The following GRIFIN variants were observed in gnomAD, a reference collection of about 807,000 sequenced individuals.
GRIFIN encodes putative grifin.
GRIFIN carries 22 observed loss-of-function variants against 18.2 expected under a neutral mutation model. The observed-to-expected ratio is 1.21, with a 90% CI of 0.86 to 1.73. The LOEUF (loss-of-function observed/expected upper bound fraction) is 1.73, where lower values mean the gene tolerates loss of function less well. Among genes scored for constraint, GRIFIN ranks in the 40% most tolerant of loss-of-function variants. The pLI is 0.00. For synonymous variants in GRIFIN, 101 were observed against 82.8 expected (o/e 1.22, Z -1.19); for missense variants, 200 against 190.1 (o/e 1.05, Z -0.31).
intron 1 of GRIFIN, 102 bp downstream of exon 1, chr7:2,476,270 G>A: frequency 7.3e-7 from 1 of 1,376,774 alleles, no homozygotes; most frequent in Non-Finnish European, 9.9e-7. Flanking sequence ...CTGATGAGAG[G>A]CCAGAGCCCA....
chr7:2,475,910 T>G lies in GRIFIN; in HGVS notation c.92+10A>C, dbSNP rs1243036444. On this transcript the variant is annotated intron_variant, in intron 2 of 4. Coordinates refer to ENST00000614228, the MANE Select transcript of GRIFIN (RefSeq NM_001394787.1). ...CCAAGGCCCAGCGAGGGGAGGGCGGTGCCGCTGACCTGTCCTCTCCAGAGT... is the reference window on the plus strand; with the variant it reads ...CCAAGGCCCAGCGAGGGGAGGGCGGGGCCGCTGACCTGTCCTCTCCAGAGT... The G allele has an allele frequency of 3.1e-6, 5 of 1,597,242 alleles. No homozygotes were observed. In the African/African-American group the frequency reaches 6.7e-5, roughly 21 times the overall value.
At position 2,475,641 on chromosome 7, in the gene GRIFIN, GCCCAGGCCCCA is replaced by G. The variant is rs1562535415; in HGVS notation, c.252+17_252+27del. 14 of 1,459,516 alleles carry G rather than the reference GCCCAGGCCCCA, an allele frequency of 9.6e-6. No individual in the cohort carries two copies. In the East Asian group the frequency reaches 1.3e-4, roughly 13 times the overall value. 90.4% of individuals were successfully genotyped at this position (1,459,516 alleles called of 1,614,324 possible). On this transcript the variant is annotated intron_variant, in intron 3 of 4. Coordinates refer to ENST00000614228, the MANE Select transcript of GRIFIN (RefSeq NM_001394787.1). The stretch of plus-strand genomic sequence containing the variant: ...TTCCCCCACGGGCCTTCCCTGCCTA[GCCCAGGCCCCA>G]CCCAGGCCCCTGTCACCTCAAAGGG...
At position 2,475,542 on chromosome 7, in the gene GRIFIN, A is replaced by AT. The variant is rs1439465393; in HGVS notation, c.252+126_252+127insA. 9 of 936,284 alleles carry AT rather than the reference A, an allele frequency of 9.6e-6. No individual in the cohort carries two copies. The Admixed American group carries it at 2.7e-4, about 28-fold the overall frequency. 58.0% of individuals were successfully genotyped at this position (936,284 alleles called of 1,614,324 possible). A position where few individuals can be genotyped will look rare whatever the true frequency, so the allele number is the denominator to read the frequency against. ...ACACGTAGGGAAACTGAGGCCAGGGAGGCCACCCAGACCTTGCCCTGGCCC... is the reference window on the plus strand; with the variant it reads ...ACACGTAGGGAAACTGAGGCCAGGGATGGCCACCCAGACCTTGCCCTGGCCC... On this transcript the variant is annotated intron_variant, in intron 3 of 4. Coordinates refer to ENST00000614228, the MANE Select transcript of GRIFIN (RefSeq NM_001394787.1).
chr7:2,476,113 C>T, intron 1 of GRIFIN, 114 bp from the exon 2 acceptor site: 2 of 946,090 alleles, frequency 2.1e-6, no homozygotes, highest in Non-Finnish European at 1.6e-6. Context: ...CCAGCCTGCC[C>T]CCAACCCAGT....
At chr7:2,474,920 CCTGCCCATGCA>C in intron 4 of GRIFIN, 35 bp from the exon 5 acceptor site, 1 of 600,276 alleles carries the variant, frequency 1.7e-6, no homozygotes, top group South Asian at 2.1e-5. Context: ...TAGCTCCTGC[CCTGCCCATGCA>C]CAGACCAGGG....
Position 2,476,370 on chromosome 7 carries a change from A to G in GRIFIN, c.12+2T>C, listed in dbSNP as rs762202871. ...CTTCTCCAGGTCCAGGGTCTCACCC[A>G]CCTGCACTGCCATCTGCTCCCAGCC... On this transcript the variant is annotated splice_donor_variant, in intron 1 of 4. Coordinates refer to ENST00000614228, the MANE Select transcript of GRIFIN (RefSeq NM_001394787.1). LOFTEE classifies it high-confidence loss of function. 2.6e-6 allele frequency: 4 copies of G among 1,565,258 alleles called. No homozygotes were observed. The highest frequency in any genetic ancestry group is 3.4e-6 in the Non-Finnish European group (4 of 1,165,278).
In GRIFIN at chr7:2,474,738, G is replaced by C. The variant is rs1778925362; in HGVS notation, c.*132C>G. 1 of 409,510 alleles carries C rather than the reference G, an allele frequency of 2.4e-6. No individual in the cohort carries two copies. Among genetic ancestry groups the C allele is most frequent in the Non-Finnish European group, 4.3e-6 (1 of 232,538 alleles). 25.4% of individuals were successfully genotyped at this position (409,510 alleles called of 1,614,324 possible). ...CAGCCAAACGCCTGCAGCCTTCTCAGAGTTTATTGAAGGTGGAGCTGCGAG... is the reference window on the plus strand; with the variant it reads ...CAGCCAAACGCCTGCAGCCTTCTCACAGTTTATTGAAGGTGGAGCTGCGAG... On this transcript the variant is annotated 3_prime_UTR_variant, in exon 5 of 5. Transcript: ENST00000614228.
In GRIFIN at chr7:2,475,214, T is replaced by TG; in HGVS notation, c.345dup (p.Thr116HisfsTer9). 1 of 1,596,468 alleles carries TG rather than the reference T, an allele frequency of 6.3e-7. No individual in the cohort carries two copies. Among genetic ancestry groups the TG allele is most frequent in the Non-Finnish European group, 8.5e-7 (1 of 1,178,754 alleles). ...TCACTCAGCACGCGCACCCTGGTGG[T>TG]GGCGCCCAGCGGCCTCTGACGGCAT... On this transcript the variant is annotated frameshift_variant, in exon 4 of 5. Transcript: ENST00000614228. LOFTEE classifies it high-confidence loss of function.
intron 1 of GRIFIN, 112 bp downstream of exon 1, chr7:2,476,260 C>G: frequency 7.5e-7 from 1 of 1,328,726 alleles, no homozygotes; most frequent in Non-Finnish European, 1.0e-6. Context: ...GCCCTGAGAT[C>G]TGATGAGAGG....
chr7:2,474,752 TGGAGCTGCGA>T lies in GRIFIN; in HGVS notation c.*108_*117del, dbSNP rs1361024442. Reference sequence around the variant, plus strand: ...CAGCCTTCTCAGAGTTTATTGAAGGTGGAGCTGCGAGGAGCACACAGGACCACAGACCCCC... The same window carrying T: ...CAGCCTTCTCAGAGTTTATTGAAGGTGGAGCACACAGGACCACAGACCCCC... On this transcript the variant is annotated 3_prime_UTR_variant, in exon 5 of 5. Transcript: ENST00000614228. 9.2e-5 allele frequency: 38 copies of T among 414,056 alleles called. No homozygotes were observed. In the Middle Eastern group the frequency reaches 2.5e-3, roughly 27 times the overall value. The allele number at this position is 414,056 out of a possible 1,614,324, so 25.6% of individuals were successfully genotyped here.
rs376604729 is a variant in GRIFIN, at chr7:2,475,305, T to C, written c.255A>G (p.Ile85Met). ...FPLAPGEPFE[I>M]EVSWDAEHFH... is the part of the protein sequence containing the mutation. ...AGTGCTCCGCGTCCCAGCTGACCTCTATCTGGGCAGGCTGGGGCCAGTGAC... is the reference window on the plus strand; with the variant it reads ...AGTGCTCCGCGTCCCAGCTGACCTCCATCTGGGCAGGCTGGGGCCAGTGAC... The change falls in exon 4 of 5, where the codon ATA (isoleucine) becomes ATG (methionine). Residue 85 changes from isoleucine (I) to methionine (M), a missense_variant and splice_region_variant. Coordinates refer to ENST00000614228, the MANE Select transcript of GRIFIN (RefSeq NM_001394787.1). 5.3e-5 allele frequency: 85 copies of C among 1,590,850 alleles called. No homozygotes were observed. In the African/African-American group the frequency reaches 8.8e-4, roughly 17 times the overall value.
intron 1 of GRIFIN, 146 bp downstream of exon 1, chr7:2,476,226 G>A (rs923248700): frequency 7.7e-6 from 8 of 1,042,808 alleles, no homozygotes; most frequent in Admixed American, 6.8e-5. Context: ...GCTCTGGGGG[G>A]ACCTTCACCC....
rs543919879 is a variant in GRIFIN at position 2,475,589 on chromosome 7, G to A, written c.252+80C>T. The A allele has an allele frequency of 2.9e-3, 4,192 of 1,425,514 alleles. 7 individuals carry two copies. Among genetic ancestry groups the A allele is most frequent in the Non-Finnish European group, 3.2e-3 (3,501 of 1,090,784 alleles). The allele number at this position is 1,425,514 out of a possible 1,614,324, so 88.3% of individuals were successfully genotyped here. A position where few individuals can be genotyped will look rare whatever the true frequency, so the allele number is the denominator to read the frequency against. ...GCCCACTGACCTGTAAGCGTCCACC[G>A]TGAACCCGCTGCCCACTGGCCCCCT... is the stretch of plus-strand genomic sequence containing the variant. On this transcript the variant is annotated intron_variant, in intron 3 of 4. Transcript: ENST00000614228.
chr7:2,475,846 C>T lies in GRIFIN; in HGVS notation c.93-18G>A, dbSNP rs749978446. ...TCTCGAACCTGGGGCGGACATGGTG[C>T]GGGTCAAGAGCTGCAAAGAGCTGGG... is the stretch of plus-strand genomic sequence containing the variant. On this transcript the variant is annotated intron_variant, in intron 2 of 4. Coordinates refer to ENST00000614228, the MANE Select transcript of GRIFIN (RefSeq NM_001394787.1). 2.9e-5 allele frequency: 45 copies of T among 1,576,620 alleles called. No homozygotes were observed. The highest frequency in any genetic ancestry group is 4.5e-5 in the East Asian group (2 of 44,294).
rs1277948646 is a variant in GRIFIN at position 2,475,530 on chromosome 7, CTG to C, written c.252+137_252+138del. The C allele has an allele frequency of 3.5e-6, 4 of 1,154,270 alleles. No individual in the cohort carries two copies. The African/African-American group carries it at 8.3e-5, about 24-fold the overall frequency. 71.5% of individuals were successfully genotyped at this position (1,154,270 alleles called of 1,614,324 possible). ...GGTACCTACTGCACACGTAGGGAAA[CTG>C]AGGCCAGGGAGGCCACCCAGACCTT... On this transcript the variant is annotated intron_variant, in intron 3 of 4. Coordinates refer to ENST00000614228, the MANE Select transcript of GRIFIN (RefSeq NM_001394787.1).
chr7:2,475,193 T>G lies in GRIFIN; in HGVS notation c.367A>C (p.Ser123Arg), dbSNP rs1778934723. The part of the protein sequence containing the change: ...LGATTRVRVL[S>R]DHCLAQVELA... Reference sequence around the variant, plus strand: ...TCCACCTGGGCCAGGCAGTGGTCACTCAGCACGCGCACCCTGGTGGTGGCG... The same window carrying G: ...TCCACCTGGGCCAGGCAGTGGTCACGCAGCACGCGCACCCTGGTGGTGGCG... Residue 123 changes from serine (S) to arginine (R), a missense_variant, in exon 4 of 5, where the codon AGT becomes CGT. Physicochemically the swap from Ser to Arg is moderately radical, Grantham distance 110. Coordinates refer to ENST00000614228, the MANE Select transcript of GRIFIN (RefSeq NM_001394787.1). The G allele has an allele frequency of 1.9e-6, 3 of 1,594,458 alleles. No homozygotes were observed. The highest frequency in any genetic ancestry group is 1.7e-5 in the Admixed American group (1 of 59,416).
chr7:2,475,442 G>C, intron 3 of GRIFIN, 135 bp from the exon 4 acceptor site: 3 of 1,296,160 alleles, frequency 2.3e-6, no homozygotes, highest in Non-Finnish European at 3.1e-6. Flanking sequence ...CCTTGGCTTG[G>C]AGCCCCCAGC....
At position 2,475,131 on chromosome 7, in the gene GRIFIN, G is replaced by A; in HGVS notation, c.419+10C>T. The A allele has an allele frequency of 6.4e-7, 1 of 1,572,780 alleles. No homozygotes were observed. Among genetic ancestry groups the A allele is most frequent in the Non-Finnish European group, 8.6e-7 (1 of 1,167,288 alleles). Reference sequence around the variant, plus strand: ...ATGGGCAGGGACCTGGGTAGAGGCAGGGACTTTACCCCCAGCTCAGGCCCC... The same window carrying A: ...ATGGGCAGGGACCTGGGTAGAGGCAAGGACTTTACCCCCAGCTCAGGCCCC... On this transcript the variant is annotated intron_variant, in intron 4 of 4. Transcript: ENST00000614228.
chr7:2,475,502 G>C, intron 3 of GRIFIN, 167 bp downstream of exon 3: 3 of 1,164,440 alleles, frequency 2.6e-6, no homozygotes, highest in Non-Finnish European at 3.5e-6. Flanking sequence ...AGCCAGGGTG[G>C]TGGGTACCTA....
Sources: gnomAD v4.1 joint callset for allele counts on GRCh38, gnomAD v4.1.1 for gene constraint, MANE v1.5 for transcripts, NCBI Gene and HGNC (gene_info 2026-07-23, HGNC 2026-07-21) for gene names.